PCDHGB2: variants seen among roughly 807,000 people sequenced by gnomAD.
The protein encoded by PCDHGB2 is protocadherin gamma subfamily B, 2.
PCDHGB2 carries 55 observed loss-of-function variants against 59.3 expected under a neutral mutation model. That is an observed-to-expected ratio of 0.93 (90% CI 0.75 to 1.16). PCDHGB2 has a LOEUF of 1.16. Among genes scored for constraint, PCDHGB2 ranks in the 50% most tolerant of loss-of-function variants. The pLI, the probability that PCDHGB2 is intolerant of heterozygous loss-of-function variation, is 0.00. For missense variants in PCDHGB2, 1,228 were observed against 1,198.5 expected, an observed-to-expected ratio of 1.02 and a Z score of -0.36; for synonymous variants, 516 against 512.0, an observed-to-expected ratio of 1.01 and a Z score of -0.11.
Position 141,486,638 on chromosome 5 carries a change from C to T in PCDHGB2, c.2422-8169C>T, listed in dbSNP as rs753730551. 5.6e-6 allele frequency: 9 copies of T among 1,613,700 alleles called. No homozygotes were observed. In the East Asian group the frequency reaches 8.9e-5, roughly 16 times the overall value. On this transcript the variant is annotated intron_variant, in intron 1 of 3. Coordinates refer to ENST00000522605, the MANE Select transcript of PCDHGB2 (RefSeq NM_018923.3). This position sits in a 1 kb window ranked among gnomAD's most constrained non-coding sequence, Gnocchi z 5.0. The stretch of plus-strand genomic sequence containing the variant: ...TGACCCAGACTCTGGCTTGAATGCG[C>T]TTATCTCCTACTCACTCCTGGAGCC...
chr5:141,400,290 C>T, intron 1 of PCDHGB2: 3 of 1,614,090 alleles, frequency 1.9e-6, no homozygotes, highest in Non-Finnish European at 2.5e-6. Context: ...CCGCCTGGAG[C>T]TGCTTCCAAC....
rs778927487 is a variant in PCDHGB2, at chr5:141,364,377, C to A, written c.2421+1821C>A. On this transcript the variant is annotated intron_variant, in intron 1 of 3. Transcript: ENST00000522605. ...TGGGGCTGCGGAGAGCTGCTGCTGC[C>A]CTTCATGCTCCTGGGGACGCTGTGC... is the stretch of plus-strand genomic sequence containing the variant. 6.3e-6 allele frequency: 10 copies of A among 1,577,000 alleles called. No individual in the cohort carries two copies. In the South Asian group the frequency reaches 7.0e-5, roughly 11 times the overall value.
chr5:141,366,665 C>A (rs779874955), intron 1 of PCDHGB2: 2 of 1,614,100 alleles, frequency 1.2e-6, no homozygotes, highest in East Asian at 4.5e-5. Context: ...CGCAGACACG[C>A]TCCTTAGTGA....
intron 1 of PCDHGB2, among the ~76,000 whole-genome samples, chr5:141,456,250 C>T (rs1244300374): frequency 4.6e-5 from 7 of 152,014 alleles, no homozygotes; most frequent in African/African-American, 1.7e-4. Context: ...AGGCTTTGGG[C>T]GACCATTGCT....
At chr5:141,496,892 A>AG (rs1372616572) in intron 2 of PCDHGB2, among the ~76,000 whole-genome samples, 1 of 151,766 alleles carries the variant, frequency 6.6e-6, no homozygotes, top group Non-Finnish European at 1.5e-5. Flanking sequence ...AACACTTAAA[A>AG]AAAAAAAAAA....
intron 1 of PCDHGB2, chr5:141,385,474 T>C (rs554098554): frequency 2.1e-6 from 3 of 1,436,644 alleles, no homozygotes; most frequent in African/African-American, 1.4e-5. Flanking sequence ...GGTGACACTT[T>C]AATATAGAAC....
chr5:141,365,354 G>A, intron 1 of PCDHGB2: 1 of 1,613,932 alleles, frequency 6.2e-7, no homozygotes, highest in Non-Finnish European at 8.5e-7. Flanking sequence ...GGACGTGAAT[G>A]ACAATGCCCC....
intron 1 of PCDHGB2, chr5:141,428,404 T>A (rs375988962): frequency 2.3e-5 from 11 of 476,688 alleles, no homozygotes; most frequent in East Asian, 2.1e-4. Flanking sequence ...TGCCTGGGGT[T>A]GCTTTCACCC....
At chr5:141,379,876 T>C (rs1775908667) in intron 1 of PCDHGB2, among the ~76,000 whole-genome samples, 1 of 146,348 alleles carries the variant, frequency 6.8e-6, no homozygotes, top group African/African-American at 2.5e-5. Flanking sequence ...TATTTTATGG[T>C]CTGTGAAAGC....
At position 141,366,206 on chromosome 5, in the gene PCDHGB2, G is replaced by A. The variant is rs200201332; in HGVS notation, c.2421+3650G>A. ...TGCGGTTGGGCTGCACACGGGCGAG[G>A]TGCGCACAGCGCGAGCCCTGCTGGA... On this transcript the variant is annotated intron_variant, in intron 1 of 3. Coordinates refer to ENST00000522605, the MANE Select transcript of PCDHGB2 (RefSeq NM_018923.3). 1.5e-4 allele frequency: 235 copies of A among 1,613,848 alleles called. No individual in the cohort carries two copies. The African/African-American group carries it at 2.7e-3, about 18-fold the overall frequency.
At chr5:141,413,722 T>TCC (rs1330658153) in intron 1 of PCDHGB2, 1 of 1,613,450 alleles carries the variant, frequency 6.2e-7, no homozygotes. Context: ...TAAGCACTTC[T>TCC]CCCTAAGAGT....
In PCDHGB2 at chr5:141,485,037, C is replaced by T. The variant is rs2099605532; in HGVS notation, c.2422-9770C>T. 1.0e-5 allele frequency: 7 copies of T among 702,746 alleles called. No individual in the cohort carries two copies. Among genetic ancestry groups the T allele is most frequent in the Non-Finnish European group, 1.5e-5 (6 of 402,836 alleles). 43.5% of individuals were successfully genotyped at this position (702,746 alleles called of 1,614,324 possible). A position where few individuals can be genotyped will look rare whatever the true frequency, so the allele number is the denominator to read the frequency against. ...GCCACCAGCAAAAACGGCGCGTAAC[C>T]CTTGCGGCGCCGGCCGAACCGCGCC... is the stretch of plus-strand genomic sequence containing the variant. On this transcript the variant is annotated intron_variant, in intron 1 of 3. Transcript: ENST00000522605. The surrounding 1 kb of genome is among the most constrained non-coding windows in gnomAD (Gnocchi z 5.7).
chr5:141,487,100 C>A lies in PCDHGB2; in HGVS notation c.2422-7707C>A. ...CCCAGCTGACCTCCCACCACAGAAGCTGGTCATTGTGGTAAAGGATAGTGG... is the reference window on the plus strand; with the variant it reads ...CCCAGCTGACCTCCCACCACAGAAGATGGTCATTGTGGTAAAGGATAGTGG... On this transcript the variant is annotated intron_variant, in intron 1 of 3. Coordinates refer to ENST00000522605, the MANE Select transcript of PCDHGB2 (RefSeq NM_018923.3). This position sits in a 1 kb window ranked among gnomAD's most constrained non-coding sequence, Gnocchi z 5.0. The A allele has an allele frequency of 1.2e-6, 2 of 1,614,076 alleles. No homozygotes were observed. The highest frequency in any genetic ancestry group is 1.7e-6 in the Non-Finnish European group (2 of 1,179,960).
chr5:141,437,617 C>T (rs570138576), intron 1 of PCDHGB2, among the ~76,000 whole-genome samples: 1 of 152,102 alleles, frequency 6.6e-6, no homozygotes, highest in Admixed American at 6.6e-5. Flanking sequence ...CTGCTTTATC[C>T]CCATATAAGA....
chr5:141,441,672 GCCTTCGA>G (rs1327551430), intron 1 of PCDHGB2: 1 of 290,468 alleles, frequency 3.4e-6, no homozygotes, highest in Non-Finnish European at 6.8e-6. Flanking sequence ...CGCACAGTGC[GCCTTCGA>G]CCAAGAGCAG....
intron 2 of PCDHGB2, among the ~76,000 whole-genome samples, chr5:141,500,815 A>G (rs2099802742): frequency 6.6e-6 from 1 of 152,196 alleles, no homozygotes; most frequent in African/African-American, 2.4e-5. Context: ...ATGAATATAC[A>G]TATTATTTTT....
chr5:141,419,785 G>T, intron 1 of PCDHGB2: 2 of 1,614,052 alleles, frequency 1.2e-6, no homozygotes, highest in Non-Finnish European at 1.7e-6. Flanking sequence ...GCCAGCGCCT[G>T]CTAGTCGCTG....
chr5:141,389,094 A>G (rs2091600869), intron 1 of PCDHGB2: 4 of 1,613,928 alleles, frequency 2.5e-6, no homozygotes, highest in Admixed American at 1.7e-5. Flanking sequence ...TAAATTAGTG[A>G]CAGATGCTGT....
In PCDHGB2 at chr5:141,477,491, C is replaced by T; in HGVS notation, c.2422-17316C>T. 1 of 1,614,154 alleles carries T rather than the reference C, an allele frequency of 6.2e-7. No homozygotes were observed. The highest frequency in any genetic ancestry group is 8.5e-7 in the Non-Finnish European group (1 of 1,180,022). On this transcript the variant is annotated intron_variant, in intron 1 of 3. Coordinates refer to ENST00000522605, the MANE Select transcript of PCDHGB2 (RefSeq NM_018923.3). The surrounding 1 kb of genome is among the most constrained non-coding windows in gnomAD (Gnocchi z 4.9). ...CAATGACAACCCTCCACAATCTTCT[C>T]AATCTTCCTACGACGTTTACATTGA...
Sources: allele counts gnomAD v4.1 joint callset (sites outside exome capture counted in the v4.1 genomes callset), GRCh38; gene constraint gnomAD v4.1.1; non-coding constraint Gnocchi (gnomAD v3.1); transcripts MANE v1.5; gene names NCBI Gene and HGNC (gene_info 2026-07-23, HGNC 2026-07-21).